Variants in PPP1R1C observed in about 807,000 individuals in gnomAD.
The protein encoded by PPP1R1C is protein phosphatase 1 regulatory subunit 1C.
A neutral mutation model predicts 17.4 loss-of-function variants in PPP1R1C; 15 were observed. The observed-to-expected ratio is 0.86, with a 90% CI of 0.58 to 1.33. The LOEUF is 1.33. PPP1R1C is among the 40% of genes most tolerant of loss of function. The probability of loss-of-function intolerance (pLI) is 0.00; values close to 1 mark genes in which losing one functional copy is unlikely to be tolerated. For synonymous variants in PPP1R1C, 35 were observed against 43.1 expected, an observed-to-expected ratio of 0.81 and a Z score of 0.73; for missense variants, 143 against 130.0, an observed-to-expected ratio of 1.10 and a Z score of -0.48.
chr2:181,962,202 A>G lies in PPP1R1C; in HGVS notation n.111+7568A>G. On this transcript the variant is annotated intron_variant and non_coding_transcript_variant, in intron 1 of 5. Coordinates refer to the PPP1R1C transcript ENST00000464264. This position sits in a 1 kb window ranked among gnomAD's most constrained non-coding sequence, Gnocchi z 6.0. Reference sequence around the variant, plus strand: ...AGGCTCCTCACTCTGTCCAGGTAGGAGGCCAGACGGTCATTCAGGCTTTGC... The same window carrying G: ...AGGCTCCTCACTCTGTCCAGGTAGGGGGCCAGACGGTCATTCAGGCTTTGC... The G allele has an allele frequency of 1.4e-6, 1 of 736,816 alleles. No individual in the cohort carries two copies. The highest frequency in any genetic ancestry group is 1.4e-5 in the South Asian group (1 of 73,138). 45.6% of individuals were successfully genotyped at this position (736,816 alleles called of 1,614,324 possible).
At chr2:182,045,353 C>T (rs1004918764) in intron 2 of PPP1R1C, among the ~76,000 whole-genome samples, 2 of 151,408 alleles carry the variant, frequency 1.3e-5, no homozygotes, top group Non-Finnish European at 2.9e-5. Flanking sequence ...AAACTAACTT[C>T]TATATTTTTC....
chr2:181,959,616 A>G (rs1419410844), intron 1 of PPP1R1C, among the ~76,000 whole-genome samples: 6 of 152,208 alleles, frequency 3.9e-5, no homozygotes, highest in Admixed American at 1.3e-4. Flanking sequence ...GTATGTATGT[A>G]TATAGTAGGA....
chr2:182,024,970 G>A (rs1393076576), intron 2 of PPP1R1C, among the ~76,000 whole-genome samples: 6 of 146,238 alleles, frequency 4.1e-5, no homozygotes, highest in African/African-American at 1.0e-4. Flanking sequence ...TTTTTTAATG[G>A]GTACAATGTA....
At chr2:182,050,140 G>A (rs995471063) in intron 2 of PPP1R1C, among the ~76,000 whole-genome samples, 1 of 152,110 alleles carries the variant, frequency 6.6e-6, no homozygotes, top group Non-Finnish European at 1.5e-5. Flanking sequence ...GCTGTAAACC[G>A]ATCCATACTA....
chr2:182,102,156 C>G (rs1689114106), intron 4 of PPP1R1C, among the ~76,000 whole-genome samples: 1 of 151,984 alleles, frequency 6.6e-6, no homozygotes, highest in African/African-American at 2.4e-5. Context: ...TAAAGTAGTT[C>G]AGTAATTGAG....
At chr2:182,027,680 GT>G (rs1244372648) in intron 2 of PPP1R1C, among the ~76,000 whole-genome samples, 2 of 149,926 alleles carry the variant, frequency 1.3e-5, no homozygotes, top group African/African-American at 5.0e-5. Context: ...CTCTTTTTTG[GT>G]TGTGTCTCTG....
chr2:181,959,100 A>G (rs1371927772), intron 1 of PPP1R1C, among the ~76,000 whole-genome samples: 1 of 152,244 alleles, frequency 6.6e-6, no homozygotes, highest in African/African-American at 2.4e-5. Flanking sequence ...CACTAGCAGT[A>G]TATGTGAATT....
chr2:182,000,755 T>A (rs1685738004), intron 2 of PPP1R1C, among the ~76,000 whole-genome samples: 1 of 152,188 alleles, frequency 6.6e-6, no homozygotes, highest in African/African-American at 2.4e-5. Context: ...ATCAGGTTAG[T>A]CCTCGGTTTC....
chr2:182,097,522 G>A (rs944315315), intron 4 of PPP1R1C, among the ~76,000 whole-genome samples: 3 of 152,140 alleles, frequency 2.0e-5, no homozygotes, highest in South Asian at 2.1e-4. Flanking sequence ...TAAAAACTTA[G>A]TTTACTACTG....
In PPP1R1C at chr2:181,962,245, C is replaced by G. The variant is rs547616174; in HGVS notation, n.111+7611C>G. 2.7e-6 allele frequency: 2 copies of G among 731,978 alleles called. No individual in the cohort carries two copies. Among genetic ancestry groups the G allele is most frequent in the Admixed American group, 3.7e-5 (2 of 53,696 alleles). The allele number at this position is 731,978 out of a possible 1,614,324, so 45.3% of individuals were successfully genotyped here. A position where few individuals can be genotyped will look rare whatever the true frequency, so the allele number is the denominator to read the frequency against. ...GGCTTTGCATTGTCTCCTTCTTATT[C>G]TGGATGCCTCCCATTCCTGCCAGAC... On this transcript the variant is annotated intron_variant and non_coding_transcript_variant, in intron 1 of 5. Coordinates refer to the PPP1R1C transcript ENST00000464264. This position sits in a 1 kb window ranked among gnomAD's most constrained non-coding sequence, Gnocchi z 6.0.
chr2:182,123,023 GC>G (rs1689772555), intron 5 of PPP1R1C, among the ~76,000 whole-genome samples: 1 of 152,028 alleles, frequency 6.6e-6, no homozygotes, highest in Admixed American at 6.6e-5. Context: ...GCCTTGACAG[GC>G]CCCTGTGTGT....
At chr2:182,001,248 A>G (rs2125149275) in intron 2 of PPP1R1C, among the ~76,000 whole-genome samples, 1 of 152,306 alleles carries the variant, frequency 6.6e-6, no homozygotes, top group East Asian at 1.9e-4. Flanking sequence ...GCTTTGAGAT[A>G]GGCATCACAG....
chr2:181,997,248 A>G (rs1685640713), intron 2 of PPP1R1C, among the ~76,000 whole-genome samples: 1 of 151,882 alleles, frequency 6.6e-6, no homozygotes, highest in Admixed American at 6.6e-5. Flanking sequence ...AAAAAAAAGA[A>G]AAGAAGACAT....
At chr2:182,084,895 G>A (rs1688582514) in intron 4 of PPP1R1C, among the ~76,000 whole-genome samples, 1 of 152,018 alleles carries the variant, frequency 6.6e-6, no homozygotes, top group African/African-American at 2.4e-5. Flanking sequence ...AGCATGAGAT[G>A]TATTTCCATT....
chr2:182,032,378 T>A (rs2125172229), intron 2 of PPP1R1C, among the ~76,000 whole-genome samples: 1 of 152,370 alleles, frequency 6.6e-6, no homozygotes, highest in Middle Eastern at 3.4e-3. Flanking sequence ...TACTCTGCAC[T>A]ACTGGTTCGT....
exon 6 of PPP1R1C, chr2:182,129,978 T>C (rs1249015599): frequency 6.6e-6 from 1 of 152,136 alleles, no homozygotes; most frequent in Non-Finnish European, 1.5e-5. Context: ...AAGAAGTAAA[T>C]TTGAAACTTT....
At chr2:182,029,460 C>T (rs1574392361) in intron 2 of PPP1R1C, among the ~76,000 whole-genome samples, 1 of 151,418 alleles carries the variant, frequency 6.6e-6, no homozygotes, top group Middle Eastern at 3.4e-3. Context: ...TTTATTTCTC[C>T]TTCACTTATG....
chr2:182,037,273 G>A (rs1687040033), intron 2 of PPP1R1C, among the ~76,000 whole-genome samples: 1 of 152,204 alleles, frequency 6.6e-6, no homozygotes, highest in Admixed American at 6.5e-5. Context: ...TATTGTTAAA[G>A]AAGACTTGAA....
At chr2:181,956,544 C>T (rs541283955) in intron 1 of PPP1R1C, among the ~76,000 whole-genome samples, 17 of 152,334 alleles carry the variant, frequency 1.1e-4, no homozygotes, top group African/African-American at 3.8e-4. Flanking sequence ...TCTCCACATC[C>T]TCTCCAGCAT....
Sources: gnomAD v4.1 joint callset for allele counts (sites outside exome capture counted in the v4.1 genomes callset) on GRCh38, gnomAD v4.1.1 for gene constraint, Gnocchi (gnomAD v3.1) non-coding constraint, MANE v1.5 for transcripts, NCBI Gene and HGNC (gene_info 2026-07-23, HGNC 2026-07-21) for gene names.